Variants in TMEM131L observed in about 807,000 individuals in gnomAD.
TMEM131L encodes transmembrane protein 131-like.
In TMEM131L, 54 loss-of-function variants were observed where a neutral mutation model predicts 192.2. The observed-to-expected ratio is 0.28, with a 90% CI of 0.23 to 0.35. The LOEUF is 0.35. Among genes scored for constraint, TMEM131L ranks in the 10% least tolerant of loss-of-function variants. The pLI is 1.00. For missense variants in TMEM131L, 1,888 were observed against 1,972.9 expected (o/e 0.96, Z 0.82); for synonymous variants, 701 against 704.9 (o/e 0.99, Z 0.09).
chr4:153,630,095 A>G (rs893632), intron 31 of TMEM131L, among the ~76,000 whole-genome samples: 30,238 of 152,208 alleles, frequency 0.2, 7,987 homozygotes, highest in African/African-American at 0.61. Flanking sequence ...GTTGCTTCTC[A>G]TAAGAAGCAC....
intron 25 of TMEM131L, among the ~76,000 whole-genome samples, chr4:153,607,498 C>T (rs546875426): frequency 2.0e-5 from 3 of 152,258 alleles, no homozygotes; most frequent in African/African-American, 7.2e-5. Context: ...GTTAGGATTC[C>T]AGCAGAATGG....
intron 12 of TMEM131L, 128 bp downstream of exon 12, chr4:153,585,059 G>GC: frequency 1.4e-6 from 1 of 717,122 alleles, no homozygotes; most frequent in South Asian, 1.8e-5. Flanking sequence ...GCCTCCCCTT[G>GC]CCTTAGCATT....
chr4:153,552,704 C>T (rs1486011882), intron 4 of TMEM131L, among the ~76,000 whole-genome samples: 2 of 151,860 alleles, frequency 1.3e-5, no homozygotes, highest in Non-Finnish European at 2.9e-5. Context: ...CATGGTGGTG[C>T]ACACCTGTAC....
intron 25 of TMEM131L, among the ~76,000 whole-genome samples, chr4:153,611,285 AAAC>A (rs1404439662): frequency 6.6e-6 from 1 of 152,230 alleles, no homozygotes; most frequent in East Asian, 1.9e-4. Context: ...TACAACTGTC[AAAC>A]AAGAGAGGCA....
At chr4:153,614,356 C>A (rs561265837) in intron 26 of TMEM131L, among the ~76,000 whole-genome samples, 1 of 152,140 alleles carries the variant, frequency 6.6e-6, no homozygotes, top group Non-Finnish European at 1.5e-5. Flanking sequence ...GTGGTGGTAT[C>A]CGTAGAGAAC....
chr4:153,529,303 A>G (rs1735725355), intron 3 of TMEM131L, among the ~76,000 whole-genome samples: 1 of 152,236 alleles, frequency 6.6e-6, no homozygotes, highest in African/African-American at 2.4e-5. Flanking sequence ...TCTAAAATGT[A>G]GATGGGATGG....
intron 3 of TMEM131L, among the ~76,000 whole-genome samples, chr4:153,501,316 T>C (rs1471240407): frequency 2.7e-5 from 4 of 150,468 alleles, no homozygotes; most frequent in African/African-American, 9.8e-5. Context: ...CAATTCTGCC[T>C]CAGCCTCCTG....
rs763314468 is a variant in TMEM131L, at chr4:153,634,242, G to A, written c.4379G>A (p.Cys1460Tyr). 8 of 1,614,078 alleles carry A rather than the reference G, an allele frequency of 5.0e-6. No individual in the cohort carries two copies. In the South Asian group the frequency reaches 7.7e-5, roughly 16 times the overall value. The change falls in exon 33 of 35, where the codon TGT becomes TAT. Residue 1460 changes from cysteine to tyrosine, a missense_variant. Transcript: ENST00000409959. The stretch of plus-strand genomic sequence containing the variant: ...GAAGGCCAGTTTTCCAGCGCATACT[G>A]TCCATTGGAATTGAACGATTACAAT... ...TCEGQFSSAY[C>Y]PLELNDYNAF...
chr4:153,636,405 C>T lies in TMEM131L; in HGVS notation c.4662C>T (p.Pro1554=). Residue 1554 remains proline (P), a synonymous_variant, in exon 35 of 35, where the codon CCC becomes CCT. Transcript: ENST00000409959. ...DVYENCCPIN[P]TTEHSTHMEN... ...ATGAAAATTGCTGCCCCATCAACCC[C>T]ACCACGGAACATTCGACCCACATGG... 1 of 1,614,206 alleles carries T rather than the reference C, an allele frequency of 6.2e-7. No homozygotes were observed. Among genetic ancestry groups the T allele is most frequent in the Non-Finnish European group, 8.5e-7 (1 of 1,180,036 alleles).
intron 18 of TMEM131L, among the ~76,000 whole-genome samples, chr4:153,593,120 G>A (rs190980151): frequency 5.1e-4 from 77 of 152,354 alleles, no homozygotes; most frequent in Non-Finnish European, 8.8e-4. Flanking sequence ...AGGGCTGAAT[G>A]TATATTCTTG....
chr4:153,555,640 A>G lies in TMEM131L; in HGVS notation c.309-147A>G. 1 of 618,696 alleles carries G rather than the reference A, an allele frequency of 1.6e-6. No individual in the cohort carries two copies. Among genetic ancestry groups the G allele is most frequent in the Admixed American group, 3.6e-5 (1 of 27,910 alleles). The allele number at this position is 618,696 out of a possible 1,614,324, so 38.3% of individuals were successfully genotyped here. A position where few individuals can be genotyped will look rare whatever the true frequency, so the allele number is the denominator to read the frequency against. On this transcript the variant is annotated intron_variant, in intron 4 of 34. Coordinates refer to ENST00000409959, the MANE Select transcript of TMEM131L (RefSeq NM_001131007.2). This position sits in a 1 kb window ranked among gnomAD's most constrained non-coding sequence, Gnocchi z 4.1. Reference sequence around the variant, plus strand: ...GTGAATTGAATGCTTTATTACCAACACGATTGGATAATTTAACTTTGTGAT... The same window carrying G: ...GTGAATTGAATGCTTTATTACCAACGCGATTGGATAATTTAACTTTGTGAT...
intron 21 of TMEM131L, among the ~76,000 whole-genome samples, chr4:153,599,029 C>G (rs1731644666): frequency 6.7e-6 from 1 of 150,024 alleles, no homozygotes; most frequent in African/African-American, 2.4e-5. Context: ...TAAAGAAATT[C>G]CTGAAACTGG....
chr4:153,467,721 T>C (rs1730863735), intron 2 of TMEM131L, among the ~76,000 whole-genome samples: 1 of 152,246 alleles, frequency 6.6e-6, no homozygotes, highest in Non-Finnish European at 1.5e-5. Flanking sequence ...CTCTCAAGGA[T>C]TGTCATCTTG....
chr4:153,588,860 T>G, intron 15 of TMEM131L, 30 bp from the exon 16 acceptor site: 2 of 1,140,394 alleles, frequency 1.8e-6, no homozygotes, highest in Non-Finnish European at 1.3e-6. Context: ...TTTCTGTAAA[T>G]CTAAATATGG....
chr4:153,517,112 A>G (rs1019120956), intron 3 of TMEM131L, among the ~76,000 whole-genome samples: 2 of 152,230 alleles, frequency 1.3e-5, no homozygotes, highest in Admixed American at 1.3e-4. Context: ...GGCGTGAGCC[A>G]CCACGCCTGG....
chr4:153,634,600 C>T (rs554491012), intron 33 of TMEM131L, among the ~76,000 whole-genome samples: 1 of 152,254 alleles, frequency 6.6e-6, no homozygotes, highest in Admixed American at 6.5e-5. Flanking sequence ...ATTGGGAAGC[C>T]GGGGCTTTAG....
intron 3 of TMEM131L, among the ~76,000 whole-genome samples, chr4:153,474,737 G>A (rs1358893995): frequency 1.3e-5 from 2 of 152,066 alleles, no homozygotes; most frequent in Non-Finnish European, 2.9e-5. Context: ...TGTATTTTTA[G>A]TAGAGACAGG....
chr4:153,585,945 G>C (rs1730672141), intron 13 of TMEM131L, among the ~76,000 whole-genome samples: 1 of 151,996 alleles, frequency 6.6e-6, no homozygotes, highest in Non-Finnish European at 1.5e-5. Context: ...AAATGAGCCT[G>C]GTTCATGATA....
intron 26 of TMEM131L, among the ~76,000 whole-genome samples, chr4:153,615,032 G>A (rs1732878686): frequency 6.6e-6 from 1 of 152,158 alleles, no homozygotes; most frequent in Non-Finnish European, 1.5e-5. Context: ...TCAAAGCAAT[G>A]CTGTTATCAC....
Sources: gnomAD v4.1 joint callset for allele counts (sites outside exome capture counted in the v4.1 genomes callset) on GRCh38, gnomAD v4.1.1 for gene constraint, Gnocchi (gnomAD v3.1) non-coding constraint, MANE v1.5 for transcripts, NCBI Gene and HGNC (gene_info 2026-07-23, HGNC 2026-07-21) for gene names.